SLC1A2: variants seen among roughly 807,000 people sequenced by gnomAD.
The protein encoded by SLC1A2 is excitatory amino acid transporter 2.
In SLC1A2, 15 loss-of-function variants were observed where a neutral mutation model predicts 48.8. The ratio of observed to expected loss-of-function variants is 0.31; its 90% CI spans 0.21 to 0.47. SLC1A2 has a LOEUF of 0.47. Among genes scored for constraint, SLC1A2 ranks in the 20% least tolerant of loss-of-function variants. The pLI is 0.99. For synonymous variants in SLC1A2, 279 were observed against 272.6 expected, an observed-to-expected ratio of 1.02 and a Z score of -0.23; for missense variants, 502 against 730.5, an observed-to-expected ratio of 0.69 and a Z score of 3.61.
chr11:35,311,187 A>G (rs760296639), intron 4 of SLC1A2, among the ~76,000 whole-genome samples: 106 of 151,768 alleles, frequency 7.0e-4, no homozygotes, highest in Non-Finnish European at 1.3e-3. Context: ...TGTTTTTGAG[A>G]CAGTATGTCA....
At chr11:35,294,681 A>C (rs187114300) in intron 6 of SLC1A2, among the ~76,000 whole-genome samples, 171 of 152,344 alleles carry the variant, frequency 1.1e-3, no homozygotes, top group African/African-American at 4.0e-3. Flanking sequence ...TGGGACGAGC[A>C]ATTTGTAGAA....
intron 8 of SLC1A2, among the ~76,000 whole-genome samples, chr11:35,283,551 A>G (rs561445823): frequency 1.3e-5 from 2 of 150,636 alleles, no homozygotes; most frequent in African/African-American, 4.9e-5. Flanking sequence ...CTGTGTAGAT[A>G]AATTTATAGA....
Position 35,280,863 on chromosome 11 carries a change from T to G in SLC1A2, c.1421+4A>C. On this transcript the variant is annotated splice_donor_region_variant and intron_variant, in intron 9 of 10. Coordinates refer to ENST00000278379, the MANE Select transcript of SLC1A2 (RefSeq NM_004171.4). ...CCAGCAGAACCCCATCCACAGACACTTACAGCAGCCAGTCCACAGCCACCA... is the reference window on the plus strand; with the variant it reads ...CCAGCAGAACCCCATCCACAGACACGTACAGCAGCCAGTCCACAGCCACCA... 6.3e-7 allele frequency: 1 copy of G among 1,599,856 alleles called. No homozygotes were observed.
chr11:35,363,857 C>A (rs1853760967), intron 1 of SLC1A2, among the ~76,000 whole-genome samples: 1 of 152,096 alleles, frequency 6.6e-6, no homozygotes, highest in Admixed American at 6.6e-5. Flanking sequence ...CTGATTGGTT[C>A]TCATTCAAGC....
intron 1 of SLC1A2, among the ~76,000 whole-genome samples, chr11:35,326,110 C>T (rs1257572178): frequency 1.3e-5 from 2 of 152,126 alleles, no homozygotes; most frequent in Non-Finnish European, 1.5e-5. Flanking sequence ...GGCCTCAATG[C>T]TCCCAGCACT....
At chr11:35,358,375 G>C (rs11033091) in intron 1 of SLC1A2, among the ~76,000 whole-genome samples, 29,000 of 152,086 alleles carry the variant, frequency 0.19, 3,724 homozygotes, top group African/African-American at 0.35. Context: ...TATTAATCAT[G>C]TTTTTAAAAG....
chr11:35,348,436 A>ACT (rs3833775), intron 1 of SLC1A2, among the ~76,000 whole-genome samples: 88,026 of 151,814 alleles, frequency 0.58, 26,039 homozygotes, highest in East Asian at 0.7. Context: ...TGTAGCAGAT[A>ACT]CTCAATAAAT....
intron 1 of SLC1A2, among the ~76,000 whole-genome samples, chr11:35,330,769 G>T (rs1315591869): frequency 6.6e-6 from 1 of 152,200 alleles, no homozygotes; most frequent in Non-Finnish European, 1.5e-5. Flanking sequence ...AGGAGCCAAG[G>T]CATGTGAGAA....
At chr11:35,390,408 T>C (rs1472366396) in intron 1 of SLC1A2, among the ~76,000 whole-genome samples, 1 of 152,202 alleles carries the variant, frequency 6.6e-6, no homozygotes, top group Non-Finnish European at 1.5e-5. Flanking sequence ...TTTGATTTTT[T>C]TTAAGTAAGT....
At chr11:35,336,795 G>A (rs566926376) in intron 1 of SLC1A2, among the ~76,000 whole-genome samples, 18 of 152,186 alleles carry the variant, frequency 1.2e-4, no homozygotes, top group African/African-American at 2.2e-4. Flanking sequence ...ACTCACAGCC[G>A]GGGTCAGCAA....
chr11:35,261,792 T>A, intron 10 of SLC1A2: 1 of 398,474 alleles, frequency 2.5e-6, no homozygotes, highest in Non-Finnish European at 4.4e-6. Context: ...GCAGTAATGT[T>A]TGAAAGAAAT....
intron 9 of SLC1A2, among the ~76,000 whole-genome samples, chr11:35,269,903 A>T (rs1164297936): frequency 1.3e-5 from 2 of 152,166 alleles, no homozygotes; most frequent in Non-Finnish European, 2.9e-5. Flanking sequence ...TGAGGTCAGG[A>T]GTGCAAGACC....
At position 35,389,871 on chromosome 11, in the gene SLC1A2, C is replaced by T. The variant is rs564920545; in HGVS notation, c.17+29079G>A. Among the ~76,000 whole-genome samples, 8 of 152,254 alleles carry T rather than the reference C, an allele frequency of 5.3e-5. No individual in the cohort carries two copies. The South Asian group carries it at 1.7e-3, about 32-fold the overall frequency. The stretch of plus-strand genomic sequence containing the variant: ...CAAGTGATCCTCCCACCTCAGCCTC[C>T]CAGAGTGTTGGATTACAAGCATGAG... On this transcript the variant is annotated intron_variant, in intron 1 of 10. Transcript: ENST00000278379.
rs912952061 is a variant in SLC1A2 at position 35,419,465 on chromosome 11, C to G, written c.-499G>C. 19 of 165,950 alleles carry G rather than the reference C, an allele frequency of 1.1e-4. No individual in the cohort carries two copies. The highest frequency in any genetic ancestry group is 2.1e-4 in the Non-Finnish European group (16 of 77,334). 10.3% of individuals were successfully genotyped at this position (165,950 alleles called of 1,614,324 possible). ...TGGAGGCCGCTGCGCTCTGGCTCGG[C>G]GCCGGCCAGGGAGGGATTGCAAGGT... On this transcript the variant is annotated 5_prime_UTR_variant, in exon 1 of 11. Transcript: ENST00000278379. The surrounding 1 kb of genome is among the most constrained non-coding windows in gnomAD (Gnocchi z 5.4).
intron 6 of SLC1A2, among the ~76,000 whole-genome samples, chr11:35,294,478 G>GC (rs1851109892): frequency 6.6e-6 from 1 of 152,056 alleles, no homozygotes; most frequent in Non-Finnish European, 1.5e-5. Flanking sequence ...AATTATCAAG[G>GC]TAGTCTCAGG....
chr11:35,289,416 C>G (rs1402215595), intron 7 of SLC1A2, among the ~76,000 whole-genome samples: 1 of 151,468 alleles, frequency 6.6e-6, no homozygotes, highest in Non-Finnish European at 1.5e-5. Context: ...CAGGCAAAAA[C>G]CACATTTTAA....
intron 9 of SLC1A2, among the ~76,000 whole-genome samples, chr11:35,277,750 A>C (rs987610622): frequency 6.7e-6 from 1 of 150,284 alleles, no homozygotes; most frequent in African/African-American, 2.4e-5. Flanking sequence ...GCAGAACTTA[A>C]ATGGCTTCCT....
At chr11:35,378,041 T>A (rs1174397589) in intron 1 of SLC1A2, among the ~76,000 whole-genome samples, 3 of 152,188 alleles carry the variant, frequency 2.0e-5, no homozygotes, top group Non-Finnish European at 4.4e-5. Flanking sequence ...GCCAGAAGAA[T>A]AAAGCCATAC....
chr11:35,311,721 C>T (rs1013997545), intron 4 of SLC1A2, among the ~76,000 whole-genome samples: 2 of 151,738 alleles, frequency 1.3e-5, no homozygotes, highest in Non-Finnish European at 2.9e-5. Context: ...TTTAAAAGTG[C>T]CATTGGTGGT....
Sources: allele counts gnomAD v4.1 joint callset (sites outside exome capture counted in the v4.1 genomes callset), GRCh38; gene constraint gnomAD v4.1.1; non-coding constraint Gnocchi (gnomAD v3.1); transcripts MANE v1.5; gene names NCBI Gene and HGNC (gene_info 2026-07-23, HGNC 2026-07-21).